MNDA: variants seen among roughly 807,000 people sequenced by gnomAD.
The protein encoded by MNDA is myeloid cell nuclear differentiation antigen.
Under a neutral mutation model 37.8 loss-of-function variants are expected in MNDA, and 43 were observed. That is an observed-to-expected ratio of 1.14 (90% CI 0.89 to 1.47). MNDA has a LOEUF of 1.47. Among genes scored for constraint, MNDA ranks in the 40% most tolerant of loss-of-function variants. The pLI, the probability that MNDA is intolerant of heterozygous loss-of-function variation, is 0.00. For missense variants in MNDA, 536 were observed against 476.0 expected (o/e 1.13, Z -1.17); for synonymous variants, 181 against 169.0 (o/e 1.07, Z -0.55).
At chr1:158,842,050 G>A in intron 1 of MNDA, 84 bp from the exon 2 acceptor site, 1 of 1,245,736 alleles carries the variant, frequency 8.0e-7, no homozygotes, top group Non-Finnish European at 1.1e-6. Flanking sequence ...TTTTGGCCTG[G>A]GACACTCACT....
intron 1 of MNDA, among the ~76,000 whole-genome samples, chr1:158,841,391 T>C (rs897539373): frequency 6.6e-6 from 1 of 152,222 alleles, no homozygotes; most frequent in African/African-American, 2.4e-5. Flanking sequence ...GAAACCTACT[T>C]GGTTGTCTGA....
rs372443942 is a variant in MNDA at position 158,847,745 on chromosome 1, G to T, written c.1005G>T (p.Lys335Asn). Residue 335 changes from lysine (K) to asparagine (N), a missense_variant, in exon 6 of 7, where the codon AAG (lysine) becomes AAT (asparagine). By Grantham distance (94) the Lys-to-Asn change is moderately conservative. Coordinates refer to ENST00000368141, the MANE Select transcript of MNDA (RefSeq NM_002432.3). The part of the protein sequence containing the change: ...FMLQKKSVHK[K>N]NTIYEIQDNT... ...TTTTGCAGAAAAGCGTACACAAGAA[G>T]AACACAATTTATGAAATACAGGATA... 6 of 1,612,642 alleles carry T rather than the reference G, an allele frequency of 3.7e-6. No individual in the cohort carries two copies. The highest frequency in any genetic ancestry group is 1.7e-4 in the Middle Eastern group (1 of 6,048).
chr1:158,831,683 A>G (rs1428081127), intron 1 of MNDA, 126 bp downstream of exon 1: 2 of 152,216 alleles, frequency 1.3e-5, no homozygotes, highest in Non-Finnish European at 2.9e-5. Flanking sequence ...AAAACTGAGA[A>G]CTGAATGCTT....
At chr1:158,847,461 C>A (rs1470776503) in intron 5 of MNDA, among the ~76,000 whole-genome samples, 4 of 151,890 alleles carry the variant, frequency 2.6e-5, no homozygotes, top group Non-Finnish European at 1.5e-5. Context: ...GCTTTATTTA[C>A]TCTCAGCTGA....
chr1:158,841,984 A>AAGTGACATATTGATCCATTGATC, intron 1 of MNDA, 150 bp from the exon 2 acceptor site: 1 of 627,472 alleles, frequency 1.6e-6, no homozygotes, highest in Non-Finnish European at 2.8e-6. Context: ...TCCATTGTTC[A>AAGTGACATATTGATCCATTGATC]CAGTGACATA....
At chr1:158,837,628 G>A (rs1035287605) in intron 1 of MNDA, among the ~76,000 whole-genome samples, 3 of 151,234 alleles carry the variant, frequency 2.0e-5, no homozygotes, top group Non-Finnish European at 4.4e-5. Flanking sequence ...ACATATACTT[G>A]GATCCCCTGT....
intron 4 of MNDA, among the ~76,000 whole-genome samples, 185 bp downstream of exon 4, chr1:158,844,307 C>T (rs927377534): frequency 1.3e-5 from 2 of 151,430 alleles, no homozygotes; most frequent in Non-Finnish European, 2.9e-5. Context: ...GTCCAATTAC[C>T]TACAGGTAAT....
rs775045161 is a variant in MNDA, at chr1:158,842,282, C to G, written c.129C>G (p.Tyr43Ter). Residue 43 changes from tyrosine to a stop codon, truncating the protein, a stop_gained, in exon 2 of 7, where the codon TAC (tyrosine) becomes TAG (stop). Coordinates refer to ENST00000368141, the MANE Select transcript of MNDA (RefSeq NM_002432.3). LOFTEE classifies it high-confidence loss of function. ...TAACTACAAAAATGCAAGAGGAATACAACAGAATTAAGATTACAGATTTGA... is the reference window on the plus strand; with the variant it reads ...TAACTACAAAAATGCAAGAGGAATAGAACAGAATTAAGATTACAGATTTGA... The part of the protein sequence containing the change: ...LGLTTKMQEE[Y>*]NRIKITDLME... The G allele has an allele frequency of 1.2e-6, 2 of 1,614,080 alleles. No individual in the cohort carries two copies. Among genetic ancestry groups the G allele is most frequent in the Non-Finnish European group, 1.7e-6 (2 of 1,179,986 alleles).
At chr1:158,835,098 AC>A (rs1345127807) in intron 1 of MNDA, among the ~76,000 whole-genome samples, 1 of 152,200 alleles carries the variant, frequency 6.6e-6, no homozygotes, top group Non-Finnish European at 1.5e-5. Flanking sequence ...TATTTAAAGT[AC>A]CTTTAAATTC....
Position 158,842,121 on chromosome 1 carries a change from T to G in MNDA, c.-20-13T>G. ...ATAAATGTGTAATGTTGTGTGTCAT[T>G]TTTACTTTATAGGCCAAGCTATAAC... On this transcript the variant is annotated splice_polypyrimidine_tract_variant and intron_variant, in intron 1 of 6. Transcript: ENST00000368141. 6.4e-7 allele frequency: 1 copy of G among 1,569,270 alleles called. No homozygotes were observed. The highest frequency in any genetic ancestry group is 1.4e-5 in the African/African-American group (1 of 72,828).
rs184984367 is a variant in MNDA at position 158,841,459 on chromosome 1, C to A, written c.-20-675C>A. 2.0e-5 allele frequency among the ~76,000 whole-genome samples: 3 copies of A among 152,216 alleles called. No homozygotes were observed. In the East Asian group the frequency reaches 5.8e-4, roughly 29 times the overall value. On this transcript the variant is annotated intron_variant, in intron 1 of 6. Coordinates refer to ENST00000368141, the MANE Select transcript of MNDA (RefSeq NM_002432.3). ...GAGGTAAATAATTGACTGTAAAAAACAAATGTGCAAAAAATAAATGCTGCA... is the reference window on the plus strand; with the variant it reads ...GAGGTAAATAATTGACTGTAAAAAAAAAATGTGCAAAAAATAAATGCTGCA...
At chr1:158,843,800 C>T (rs1458175199) in intron 3 of MNDA, among the ~76,000 whole-genome samples, 155 bp from the exon 4 acceptor site, 1 of 152,108 alleles carries the variant, frequency 6.6e-6, no homozygotes, top group Non-Finnish European at 1.5e-5. Context: ...ATCTATTGTC[C>T]ATATCTTCAA....
intron 1 of MNDA, among the ~76,000 whole-genome samples, chr1:158,840,041 G>T (rs1175408712): frequency 6.6e-6 from 1 of 152,084 alleles, no homozygotes; most frequent in African/African-American, 2.4e-5. Context: ...GGACAACTCT[G>T]ATTTTTAATT....
At position 158,831,472 on chromosome 1, in the gene MNDA, A is replaced by G. The variant is rs1658801444; in HGVS notation, c.-106A>G. On this transcript the variant is annotated 5_prime_UTR_variant, in exon 1 of 7. Coordinates refer to ENST00000368141, the MANE Select transcript of MNDA (RefSeq NM_002432.3). ...AAATAGTCTGCAGTTTAATCTCTCC[A>G]AAGCTTTACGGACAGTGATTCTGTC... 2.6e-5 allele frequency: 4 copies of G among 152,202 alleles called. No homozygotes were observed. In the South Asian group the frequency reaches 8.3e-4, roughly 32 times the overall value. The allele number at this position is 152,202 out of a possible 1,614,324, so 9.4% of individuals were successfully genotyped here.
At chr1:158,845,482 C>T (rs1659114154) in intron 4 of MNDA, 105 bp from the exon 5 acceptor site, 7 of 1,102,500 alleles carry the variant, frequency 6.3e-6, no homozygotes, top group Middle Eastern at 2.4e-4. Flanking sequence ...CCTCGTGATC[C>T]ACCCGCCTCG....
chr1:158,834,396 C>A lies in MNDA; in HGVS notation c.-21+2839C>A, dbSNP rs188945445. On this transcript the variant is annotated intron_variant, in intron 1 of 6. Coordinates refer to ENST00000368141, the MANE Select transcript of MNDA (RefSeq NM_002432.3). ...TACAGACACGCGCCACCATGCCCGG[C>A]TAATTTTTGTATTTTTAGTAGAGAA... 4.6e-5 allele frequency among the ~76,000 whole-genome samples: 7 copies of A among 152,046 alleles called. No individual in the cohort carries two copies. The East Asian group carries it at 1.4e-3, about 29-fold the overall frequency.
intron 1 of MNDA, 109 bp from the exon 2 acceptor site, chr1:158,842,025 C>A: frequency 1.2e-6 from 1 of 849,984 alleles, no homozygotes; most frequent in Non-Finnish European, 1.8e-6. Flanking sequence ...TTCTTATACG[C>A]ATCCAAGGAC....
At chr1:158,846,082 A>C (rs974222784) in intron 5 of MNDA, 79 bp downstream of exon 5, 27 of 1,302,758 alleles carry the variant, frequency 2.1e-5, no homozygotes, top group South Asian at 2.9e-5. Flanking sequence ...TTACTGTCTG[A>C]ATATTGGAAC....
intron 5 of MNDA, 107 bp from the exon 6 acceptor site, chr1:158,847,621 C>T (rs549669947): frequency 1.2e-5 from 12 of 1,035,616 alleles, no homozygotes; most frequent in Non-Finnish European, 1.7e-5. Context: ...TGATCTGTAC[C>T]TGTCATTCCT....
Sources: allele counts gnomAD v4.1 joint callset (sites outside exome capture counted in the v4.1 genomes callset), GRCh38; gene constraint gnomAD v4.1.1; transcripts MANE v1.5; gene names NCBI Gene and HGNC (gene_info 2026-07-23, HGNC 2026-07-21).